GRIK2: variants seen among roughly 807,000 people sequenced by gnomAD.
GRIK2 encodes glutamate receptor ionotropic, kainate 2.
Under a neutral mutation model 100.3 loss-of-function variants are expected in GRIK2, and 32 were observed. The ratio of observed to expected loss-of-function variants is 0.32; its 90% CI spans 0.24 to 0.43. The LOEUF is 0.43. Ranked by LOEUF, GRIK2 falls within the 20% of genes least tolerant of loss-of-function variation. GRIK2 has a pLI of 1.00. For missense variants in GRIK2, 843 were observed against 1,114.9 expected (o/e 0.76, Z 3.47); for synonymous variants, 417 against 389.4 (o/e 1.07, Z -0.83).
intron 7 of GRIK2, among the ~76,000 whole-genome samples, chr6:101,707,262 T>C (rs999301051): frequency 1.3e-5 from 2 of 151,466 alleles, no homozygotes; most frequent in African/African-American, 2.4e-5. Flanking sequence ...GTAAGATAGT[T>C]ATTGCATTTC....
At chr6:101,800,117 G>T (rs1466181190) in intron 8 of GRIK2, among the ~76,000 whole-genome samples, 1 of 151,954 alleles carries the variant, frequency 6.6e-6, no homozygotes, top group Non-Finnish European at 1.5e-5. Flanking sequence ...TAACATAAAT[G>T]TCATTTGCAC....
chr6:101,585,365 G>T (rs1420369262), intron 2 of GRIK2, among the ~76,000 whole-genome samples: 1 of 151,966 alleles, frequency 6.6e-6, no homozygotes, highest in Admixed American at 6.6e-5. Context: ...TTAGTCCACT[G>T]GTCCACTATG....
intron 14 of GRIK2, among the ~76,000 whole-genome samples, chr6:102,007,160 C>T (rs1320685918): frequency 1.3e-5 from 2 of 152,016 alleles, no homozygotes; most frequent in African/African-American, 4.8e-5. Context: ...TTAAAGATAA[C>T]TCTACATGAA....
chr6:101,910,929 T>A (rs1788645776), intron 12 of GRIK2, among the ~76,000 whole-genome samples: 1 of 39,822 alleles, frequency 2.5e-5, no homozygotes, highest in African/African-American at 1.3e-4. Context: ...TTTTCAAGTA[T>A]CTTTATCTAA....
At chr6:101,834,847 TA>T (rs924049388) in intron 10 of GRIK2, among the ~76,000 whole-genome samples, 5 of 150,434 alleles carry the variant, frequency 3.3e-5, no homozygotes, top group Non-Finnish European at 5.9e-5. Flanking sequence ...AATAATAAAA[TA>T]AAAAAAAATA....
At chr6:101,700,333 G>A (rs1418470771) in intron 7 of GRIK2, among the ~76,000 whole-genome samples, 2 of 149,604 alleles carry the variant, frequency 1.3e-5, no homozygotes, top group South Asian at 2.1e-4. Flanking sequence ...TATTGGAAAA[G>A]GAATTTGGGG....
At chr6:101,537,344 C>T (rs546789469) in intron 2 of GRIK2, among the ~76,000 whole-genome samples, 23 of 151,468 alleles carry the variant, frequency 1.5e-4, no homozygotes, top group African/African-American at 5.6e-4. Context: ...TTGTTATTTC[C>T]TCAAAAGCCA....
At chr6:101,577,419 A>T (rs543960314) in intron 2 of GRIK2, among the ~76,000 whole-genome samples, 2 of 152,064 alleles carry the variant, frequency 1.3e-5, no homozygotes, top group Non-Finnish European at 2.9e-5. Context: ...AAAATTAATT[A>T]AAAAAATATT....
intron 7 of GRIK2, among the ~76,000 whole-genome samples, chr6:101,703,680 T>A (rs1773053468): frequency 6.6e-6 from 1 of 151,666 alleles, no homozygotes; most frequent in Admixed American, 6.6e-5. Flanking sequence ...AACATTGAAT[T>A]AAGGCATGTT....
At chr6:101,891,749 A>T (rs898752076) in intron 12 of GRIK2, among the ~76,000 whole-genome samples, 4 of 152,120 alleles carry the variant, frequency 2.6e-5, no homozygotes, top group Admixed American at 6.6e-5. Context: ...TTAAAATTTT[A>T]TGTGACTTTT....
chr6:101,794,202 A>G (rs1427469332), intron 7 of GRIK2, among the ~76,000 whole-genome samples: 1 of 152,088 alleles, frequency 6.6e-6, no homozygotes, highest in African/African-American at 2.4e-5. Context: ...GCTCGCGCAC[A>G]GTGCACTGCA....
intron 4 of GRIK2, among the ~76,000 whole-genome samples, chr6:101,661,011 G>C (rs1310185825): frequency 2.0e-5 from 3 of 152,130 alleles, no homozygotes; most frequent in Non-Finnish European, 4.4e-5. Context: ...GCTATGCTGG[G>C]AGATCTGCTG....
chr6:102,043,342 T>A (rs1562134025), intron 15 of GRIK2, among the ~76,000 whole-genome samples: 1 of 151,820 alleles, frequency 6.6e-6, no homozygotes, highest in Non-Finnish European at 1.5e-5. Context: ...TTACTAATTA[T>A]ATTCACCATG....
At chr6:101,494,774 TA>T (rs1296090817) in intron 2 of GRIK2, among the ~76,000 whole-genome samples, 3 of 150,566 alleles carry the variant, frequency 2.0e-5, no homozygotes, top group African/African-American at 7.3e-5. Context: ...CTACTAAAAA[TA>T]CAAAAAAATT....
intron 12 of GRIK2, among the ~76,000 whole-genome samples, chr6:101,910,499 G>A (rs918856683): frequency 4.0e-5 from 6 of 151,172 alleles, no homozygotes; most frequent in African/African-American, 1.5e-4. Flanking sequence ...AAATATGAAT[G>A]TCATCAGTTC....
At chr6:101,501,260 A>G (rs1266307563) in intron 2 of GRIK2, among the ~76,000 whole-genome samples, 1 of 152,192 alleles carries the variant, frequency 6.6e-6, no homozygotes, top group Non-Finnish European at 1.5e-5. Context: ...GAACTTTTCT[A>G]AACATCTCAT....
intron 2 of GRIK2, among the ~76,000 whole-genome samples, chr6:101,494,001 TGTA>T (rs1773289147): frequency 7.4e-6 from 1 of 135,262 alleles, no homozygotes; most frequent in South Asian, 2.3e-4. Context: ...ATTATAAAAA[TGTA>T]TATATTATAT....
Position 101,760,592 on chromosome 6 carries a change from A to ATTTAATTATATGTTTAATTATG in GRIK2, c.952-39055_952-39054insTTAATTATATGTTTAATTATGT, listed in dbSNP as rs1554259478. Among the ~76,000 whole-genome samples, 626 of 87,726 alleles carry ATTTAATTATATGTTTAATTATG rather than the reference A, an allele frequency of 7.1e-3. 82 individuals are homozygous for ATTTAATTATATGTTTAATTATG. The highest frequency in any genetic ancestry group is 0.029 in the African/African-American group (556 of 19,444). The allele number at this position is 87,726 out of a possible 152,430, so 57.6% of individuals were successfully genotyped here. The stretch of plus-strand genomic sequence containing the variant: ...TATTTAATTAATTATATATAATTAT[A>ATTTAATTATATGTTTAATTATG]TATAATTATATATAATTATATTTAA... On this transcript the variant is annotated intron_variant, in intron 7 of 16. Transcript: ENST00000369134.
chr6:101,804,531 T>C (rs989493447), intron 9 of GRIK2, among the ~76,000 whole-genome samples: 1 of 152,046 alleles, frequency 6.6e-6, no homozygotes, highest in South Asian at 2.1e-4. Flanking sequence ...TCAGCAATGT[T>C]GTTAGTTCAA....
Sources: allele counts gnomAD v4.1 joint callset (sites outside exome capture counted in the v4.1 genomes callset), GRCh38; gene constraint gnomAD v4.1.1; transcripts MANE v1.5; gene names NCBI Gene and HGNC (gene_info 2026-07-23, HGNC 2026-07-21).